Variants in FANCD2 observed in about 807,000 individuals in gnomAD.
The protein encoded by FANCD2 is FA complementation group D2, also known as Fanconi anemia group D2 protein.
A neutral mutation model predicts 192.3 loss-of-function variants in FANCD2; 131 were observed. The observed-to-expected ratio is 0.68, with a 90% confidence interval of 0.59 to 0.79. The LOEUF (loss-of-function observed/expected upper bound fraction) is 0.79. Ranked by LOEUF, FANCD2 falls within the 30% of genes least tolerant of loss-of-function variation. The pLI is 0.00. For synonymous variants in FANCD2, 524 were observed against 612.5 expected, an observed-to-expected ratio of 0.86 and a Z score of 2.13; for missense variants, 1,508 against 1,701.6, an observed-to-expected ratio of 0.89 and a Z score of 2.00.
chr3:10,092,498 A>C, intron 38 of FANCD2, among the ~76,000 whole-genome samples: 1 of 144,572 alleles, frequency 6.9e-6, no homozygotes, highest in African/African-American at 2.6e-5. Flanking sequence ...GACTCCTTCC[A>C]TCTGTAATTC....
chr3:10,040,445 A>T, intron 9 of FANCD2: 1 of 454,600 alleles, frequency 2.2e-6, no homozygotes, highest in Non-Finnish European at 4.4e-6. Context: ...CTTAAGTTTC[A>T]TTAACTTGTT....
intron 14 of FANCD2, among the ~76,000 whole-genome samples, chr3:10,044,549 T>C (rs1475631278): frequency 6.6e-6 from 1 of 152,086 alleles, no homozygotes; most frequent in African/African-American, 2.4e-5. Flanking sequence ...CACACGCCAC[T>C]GCACTCCAGC....
At chr3:10,062,391 C>T (rs1184860070) in intron 20 of FANCD2, among the ~76,000 whole-genome samples, 180 bp downstream of exon 20, 4 of 152,034 alleles carry the variant, frequency 2.6e-5, no homozygotes, top group South Asian at 2.1e-4. Flanking sequence ...CAGGCACGCA[C>T]CACCACACCC....
At chr3:10,063,510 C>G (rs1413438594) in intron 20 of FANCD2, among the ~76,000 whole-genome samples, 1 of 152,174 alleles carries the variant, frequency 6.6e-6, no homozygotes, top group African/African-American at 2.4e-5. Context: ...ATTTTTATTT[C>G]ATTCTTTAGG....
intron 30 of FANCD2, among the ~76,000 whole-genome samples, chr3:10,078,503 T>C (rs898613175): frequency 7.9e-5 from 12 of 152,122 alleles, no homozygotes; most frequent in African/African-American, 1.7e-4. Context: ...TACAGGTGCC[T>C]GCCACCACGC....
rs116398158 is a variant in FANCD2 at position 10,056,593 on chromosome 3, G to A, written c.1657-3701G>A. 2.7e-3 allele frequency among the ~76,000 whole-genome samples: 413 copies of A among 152,036 alleles called. 1 individual carries two copies. The highest frequency in any genetic ancestry group is 9.7e-3 in the African/African-American group (401 of 41,422). ...GTTACCCAAGCTGCAGTGCAGTGGC[G>A]TGATCATACTTCACTGCAGCCTGGA... is the stretch of plus-strand genomic sequence containing the variant. On this transcript the variant is annotated intron_variant, in intron 18 of 43. Coordinates refer to ENST00000675286, the MANE Select transcript of FANCD2 (RefSeq NM_001018115.3).
chr3:10,037,980 A>G (rs1213857180), intron 7 of FANCD2, among the ~76,000 whole-genome samples: 1 of 152,156 alleles, frequency 6.6e-6, no homozygotes, highest in Non-Finnish European at 1.5e-5. Context: ...CTGATACAGT[A>G]ATAGTAAGTT....
At chr3:10,045,316 C>A (rs991301662) in intron 14 of FANCD2, among the ~76,000 whole-genome samples, 4 of 151,828 alleles carry the variant, frequency 2.6e-5, no homozygotes, top group African/African-American at 9.7e-5. Context: ...CTACAGGCAC[C>A]TGCCACCACG....
At chr3:10,074,222 G>C (rs1363386949) in intron 28 of FANCD2, among the ~76,000 whole-genome samples, 1 of 152,082 alleles carries the variant, frequency 6.6e-6, no homozygotes, top group African/African-American at 2.4e-5. Context: ...GGGATTACAG[G>C]CATGAACCAC....
chr3:10,095,264 G>A lies in FANCD2; in HGVS notation c.4028G>A (p.Gly1343Glu). Reference sequence around the variant, plus strand: ...ACAAGGCTGCTTCATCACCTGTGTGGGCATTCCAAGGTAAGAAGGGGAGCA... The same window carrying A: ...ACAAGGCTGCTTCATCACCTGTGTGAGCATTCCAAGGTAAGAAGGGGAGCA... ...LDTRLLHHLC[G>E]HSKIHQDTRL... The change falls in exon 41 of 44, where the codon GGG becomes GAG. Residue 1343 changes from glycine to glutamate, a missense_variant. Physicochemically the swap from Gly to Glu is moderately conservative, Grantham distance 98. Transcript: ENST00000675286. The A allele has an allele frequency of 1.2e-6, 2 of 1,614,040 alleles. No homozygotes were observed. Among genetic ancestry groups the A allele is most frequent in the Non-Finnish European group, 1.7e-6 (2 of 1,179,944 alleles).
In FANCD2 at chr3:10,034,352, T is replaced by C. The variant is rs555746604; in HGVS notation, c.206-117T>C. On this transcript the variant is annotated intron_variant, in intron 3 of 43. Transcript: ENST00000675286. ...AAAAAAAAAAAAAAAAAAAGATTTG[T>C]CTCTGAAATTAGGTTGAAAATATTT... 1.7e-3 allele frequency: 1,208 copies of C among 720,950 alleles called. 6 individuals are homozygous for C. Among genetic ancestry groups the C allele is most frequent in the Non-Finnish European group, 2.3e-3 (948 of 406,432 alleles). The allele number at this position is 720,950 out of a possible 1,614,324, so 44.7% of individuals were successfully genotyped here.
intron 1 of FANCD2, among the ~76,000 whole-genome samples, chr3:10,028,413 G>T (rs1427833259): frequency 1.3e-5 from 2 of 152,218 alleles, no homozygotes; most frequent in East Asian, 3.8e-4. Flanking sequence ...CAGCGAAGTA[G>T]TCTGCCTAAA....
At chr3:10,051,196 C>T (rs1467497659) in intron 17 of FANCD2, among the ~76,000 whole-genome samples, 23 of 150,014 alleles carry the variant, frequency 1.5e-4, no homozygotes, top group Non-Finnish European at 2.4e-4. Flanking sequence ...CCGGCTAAAA[C>T]GGTGAAACCC....
chr3:10,030,029 C>T (rs752524190), intron 2 of FANCD2, among the ~76,000 whole-genome samples: 4 of 151,928 alleles, frequency 2.6e-5, no homozygotes, highest in African/African-American at 4.8e-5. Flanking sequence ...TCAAGTGATC[C>T]ATCCATCTCG....
In FANCD2 at chr3:10,067,327, G is replaced by A. The variant is rs1284146463; in HGVS notation, c.2494+10G>A. The A allele has an allele frequency of 1.3e-6, 2 of 1,541,384 alleles. No individual in the cohort carries two copies. Among genetic ancestry groups the A allele is most frequent in the Non-Finnish European group, 1.8e-6 (2 of 1,115,162 alleles). On this transcript the variant is annotated intron_variant, in intron 26 of 43. Transcript: ENST00000675286. The stretch of plus-strand genomic sequence containing the variant: ...GAAAAGTACTTGGCAGGTAAGAGAA[G>A]TGTCCTATACTGGTAGTACTACTAG...
chr3:10,030,693 A>C (rs2086570038), intron 2 of FANCD2, among the ~76,000 whole-genome samples: 1 of 152,144 alleles, frequency 6.6e-6, no homozygotes, highest in African/African-American at 2.4e-5. Flanking sequence ...TGAGGTCAGG[A>C]GTTCAAGATC....
Position 10,099,391 on chromosome 3 carries a change from G to C in FANCD2, c.4281+576G>C, listed in dbSNP as rs982889780. ...TAATCCTAGCACTTTTTGAGGCCAA[G>C]GTAGGAGGATTGCTTGAGTCCGGGA... On this transcript the variant is annotated intron_variant, in intron 43 of 43. Coordinates refer to ENST00000675286, the MANE Select transcript of FANCD2 (RefSeq NM_001018115.3). The C allele has an allele frequency of 6.5e-6, 7 of 1,077,394 alleles. No individual in the cohort carries two copies. The Admixed American group carries it at 2.4e-4, about 36-fold the overall frequency. The allele number at this position is 1,077,394 out of a possible 1,614,324, so 66.7% of individuals were successfully genotyped here. A position where few individuals can be genotyped will look rare whatever the true frequency, so the allele number is the denominator to read the frequency against.
At chr3:10,053,234 T>G (rs1424569316) in intron 18 of FANCD2, among the ~76,000 whole-genome samples, 1 of 151,178 alleles carries the variant, frequency 6.6e-6, no homozygotes, top group African/African-American at 2.4e-5. Context: ...TGTAGGGACA[T>G]GGATGAAATT....
chr3:10,057,541 T>C (rs1427681712), intron 18 of FANCD2, among the ~76,000 whole-genome samples: 1 of 152,084 alleles, frequency 6.6e-6, no homozygotes, highest in African/African-American at 2.4e-5. Context: ...ATTTTTGTAT[T>C]TTTAGTAGAG....
Sources: allele counts gnomAD v4.1 joint callset (sites outside exome capture counted in the v4.1 genomes callset), GRCh38; gene constraint gnomAD v4.1.1; transcripts MANE v1.5; gene names NCBI Gene and HGNC (gene_info 2026-07-23, HGNC 2026-07-21).